Variants in EPB41L4B observed in about 807,000 individuals in gnomAD.
EPB41L4B encodes the protein band 4.1-like protein 4B.
In EPB41L4B, 30 loss-of-function variants were observed where a neutral mutation model predicts 112.5. That is an observed-to-expected ratio of 0.27 (90% confidence interval 0.20 to 0.36). EPB41L4B has a LOEUF of 0.36. Ranked by LOEUF, EPB41L4B falls within the 10% of genes least tolerant of loss-of-function variation. EPB41L4B has a pLI of 1.00. For missense variants in EPB41L4B, 1,024 were observed against 1,133.3 expected (o/e 0.90, Z 1.38); for synonymous variants, 408 against 439.7 (o/e 0.93, Z 0.90).
At chr9:109,226,863 G>A (rs1386694804) in intron 15 of EPB41L4B, among the ~76,000 whole-genome samples, 2 of 149,654 alleles carry the variant, frequency 1.3e-5, no homozygotes, top group African/African-American at 4.9e-5. Context: ...TTACAGACAG[G>A]GTTTCCCTCT....
intron 15 of EPB41L4B, among the ~76,000 whole-genome samples, chr9:109,236,125 A>G (rs1485462361): frequency 6.6e-6 from 1 of 152,236 alleles, no homozygotes; most frequent in Admixed American, 6.5e-5. Context: ...CATGGGCTCC[A>G]GTCTTAGCCC....
intron 22 of EPB41L4B, 91 bp downstream of exon 22, chr9:109,192,187 A>G: frequency 9.8e-7 from 1 of 1,024,584 alleles, no homozygotes; most frequent in Non-Finnish European, 1.5e-6. Context: ...AGGCTCCTCA[A>G]CAGCAATGCC....
At chr9:109,248,747 T>A (rs1483948488) in intron 13 of EPB41L4B, among the ~76,000 whole-genome samples, 1 of 151,994 alleles carries the variant, frequency 6.6e-6, no homozygotes, top group Non-Finnish European at 1.5e-5. Flanking sequence ...GCTTGGCTGA[T>A]GAGATCTTAA....
chr9:109,200,770 TA>T (rs902333576), intron 19 of EPB41L4B, among the ~76,000 whole-genome samples: 8 of 151,812 alleles, frequency 5.3e-5, no homozygotes, highest in East Asian at 3.9e-4. Flanking sequence ...GCACAGACTA[TA>T]TTTTTTTTTT....
intron 13 of EPB41L4B, among the ~76,000 whole-genome samples, chr9:109,248,922 G>A (rs1834661742): frequency 6.6e-6 from 1 of 151,822 alleles, no homozygotes; most frequent in African/African-American, 2.4e-5. Flanking sequence ...AGCCGGGCGT[G>A]GTGGCGGGCA....
At chr9:109,277,004 G>A (rs1835856432) in intron 2 of EPB41L4B, among the ~76,000 whole-genome samples, 1 of 152,166 alleles carries the variant, frequency 6.6e-6, no homozygotes, top group Non-Finnish European at 1.5e-5. Context: ...GAAAACAGAG[G>A]CCAGAGGAGC....
chr9:109,198,450 C>A (rs567420829), intron 20 of EPB41L4B, among the ~76,000 whole-genome samples: 1 of 152,216 alleles, frequency 6.6e-6, no homozygotes, highest in African/African-American at 2.4e-5. Context: ...CAAACAGTCA[C>A]TTTTCCAAGA....
intron 2 of EPB41L4B, among the ~76,000 whole-genome samples, chr9:109,278,643 T>A (rs1835924509): frequency 6.6e-6 from 1 of 152,108 alleles, no homozygotes; most frequent in African/African-American, 2.4e-5. Context: ...CAGACTTTAA[T>A]ACACTGTCTA....
intron 19 of EPB41L4B, among the ~76,000 whole-genome samples, chr9:109,202,382 C>T (rs781114823): frequency 2.4e-4 from 36 of 152,162 alleles, no homozygotes; most frequent in Non-Finnish European, 4.7e-4. Flanking sequence ...GGTTCTAGAT[C>T]ACCTAGGTGC....
At chr9:109,292,930 G>T (rs545528160) in intron 1 of EPB41L4B, among the ~76,000 whole-genome samples, 1 of 152,196 alleles carries the variant, frequency 6.6e-6, no homozygotes, top group Admixed American at 6.5e-5. Flanking sequence ...CCACAAGCAC[G>T]TGTGCCAGTC....
At chr9:109,185,460 C>T in intron 23 of EPB41L4B, 29 bp downstream of exon 23, 1 of 1,599,854 alleles carries the variant, frequency 6.3e-7, no homozygotes, top group African/African-American at 1.3e-5. Context: ...CTCTCCTGGC[C>T]AGGCCCCTCT....
At position 109,284,009 on chromosome 9, in the gene EPB41L4B, G is replaced by A. The variant is rs569421548; in HGVS notation, c.307-4088C>T. On this transcript the variant is annotated intron_variant, in intron 1 of 25. Coordinates refer to ENST00000374566, the MANE Select transcript of EPB41L4B (RefSeq NM_019114.5). Reference sequence around the variant, plus strand: ...GCTACTCAGGAGGCTGAGGCAGAAGGATCACTTGAAGTTCAAGGTTGCAAT... The same window carrying A: ...GCTACTCAGGAGGCTGAGGCAGAAGAATCACTTGAAGTTCAAGGTTGCAAT... Among the ~76,000 whole-genome samples the A allele has an allele frequency of 3.7e-4, 56 of 152,110 alleles. No individual in the cohort carries two copies. The South Asian group carries it at 0.011, about 30-fold the overall frequency.
intron 1 of EPB41L4B, chr9:109,307,273 C>A: frequency 2.0e-6 from 1 of 488,336 alleles, no homozygotes; most frequent in South Asian, 1.5e-5. Flanking sequence ...AACTTCATCG[C>A]TTTTAGAATA....
intron 7 of EPB41L4B, among the ~76,000 whole-genome samples, chr9:109,256,685 G>T (rs7032609): frequency 0.7 from 107,240 of 152,214 alleles, 38,033 homozygotes; most frequent in Middle Eastern, 0.82. Flanking sequence ...ACTCACGCCT[G>T]TTATCCCAGC....
At chr9:109,302,383 C>A (rs1378265514) in intron 1 of EPB41L4B, among the ~76,000 whole-genome samples, 1 of 152,196 alleles carries the variant, frequency 6.6e-6, no homozygotes, top group African/African-American at 2.4e-5. Context: ...TTAGATGACA[C>A]CAGTCATATT....
At chr9:109,261,496 G>A (rs1186417214) in intron 6 of EPB41L4B, among the ~76,000 whole-genome samples, 3 of 152,086 alleles carry the variant, frequency 2.0e-5, no homozygotes, top group Admixed American at 1.3e-4. Flanking sequence ...AGGAGTTCAA[G>A]ACAACAGGAA....
chr9:109,185,672 T>A, intron 22 of EPB41L4B, 67 bp from the exon 23 acceptor site: 1 of 1,179,094 alleles, frequency 8.5e-7, no homozygotes, highest in Non-Finnish European at 1.2e-6. Context: ...GAAGAGGAGG[T>A]AGGGGAAGGG....
intron 1 of EPB41L4B, among the ~76,000 whole-genome samples, chr9:109,291,516 G>A (rs750614411): frequency 2.2e-4 from 34 of 152,196 alleles, no homozygotes; most frequent in Non-Finnish European, 4.3e-4. Flanking sequence ...GCTGTAGTGA[G>A]AAGGGACGTC....
intron 2 of EPB41L4B, among the ~76,000 whole-genome samples, chr9:109,279,355 T>C (rs1835950126): frequency 6.6e-6 from 1 of 152,086 alleles, no homozygotes; most frequent in South Asian, 2.1e-4. Context: ...TAGCTGGGAC[T>C]TCAGGCACAT....
Sources: allele counts gnomAD v4.1 joint callset (sites outside exome capture counted in the v4.1 genomes callset), GRCh38; gene constraint gnomAD v4.1.1; transcripts MANE v1.5; gene names NCBI Gene and HGNC (gene_info 2026-07-23, HGNC 2026-07-21).